TJP1: variants seen among roughly 807,000 people sequenced by gnomAD.
TJP1 encodes tight junction protein ZO-1.
A neutral mutation model predicts 194.2 loss-of-function variants in TJP1; 43 were observed. The ratio of observed to expected loss-of-function variants is 0.22; its 90% confidence interval spans 0.17 to 0.29. The LOEUF (loss-of-function observed/expected upper bound fraction) is 0.29, where lower values mean the gene tolerates loss of function less well. Ranked by LOEUF, TJP1 falls within the 10% of genes least tolerant of loss-of-function variation. The pLI is 1.00. For missense variants in TJP1, 1,971 were observed against 2,185.7 expected (o/e 0.90, Z 1.96); for synonymous variants, 801 against 779.0 (o/e 1.03, Z -0.47).
chr15:29,899,546 AGTCAAGGCCTGTCTCACCAGGT>A (rs1473616903), intron 2 of TJP1, among the ~76,000 whole-genome samples: 1 of 152,166 alleles, frequency 6.6e-6, no homozygotes, highest in African/African-American at 2.4e-5. Flanking sequence ...CCTGACAGGG[AGTCAAGGCCTGTCTCACCAGGT>A]GTGTGAGCAC....
rs116153820 is a variant in TJP1, at chr15:29,758,432, G to C, written c.1010+2707C>G. ...TATAACACAAAAATAGTAATTTTAGGGGGGAAAAACCCTCCACTTTTAAGT... is the reference window on the plus strand; with the variant it reads ...TATAACACAAAAATAGTAATTTTAGCGGGGAAAAACCCTCCACTTTTAAGT... On this transcript the variant is annotated intron_variant, in intron 8 of 27. Transcript: ENST00000614355. Among the ~76,000 whole-genome samples the C allele has an allele frequency of 5.0e-3, 762 of 152,126 alleles. 6 individuals are homozygous for C. The highest frequency in any genetic ancestry group is 0.017 in the African/African-American group (707 of 41,512).
intron 1 of TJP1, among the ~76,000 whole-genome samples, chr15:29,808,646 C>T (rs1009364377): frequency 2.0e-5 from 3 of 152,038 alleles, no homozygotes; most frequent in Non-Finnish European, 2.9e-5. Context: ...GAAACTGGTA[C>T]GTATAGGGAA....
chr15:29,943,415 G>T (rs1358977212), intron 2 of TJP1, among the ~76,000 whole-genome samples: 1 of 151,838 alleles, frequency 6.6e-6, no homozygotes, highest in African/African-American at 2.4e-5. Context: ...GGATCATGAG[G>T]TCAGGAGTTT....
intron 26 of TJP1, among the ~76,000 whole-genome samples, chr15:29,704,666 G>A (rs772695948): frequency 6.6e-6 from 1 of 152,190 alleles, no homozygotes; most frequent in Non-Finnish European, 1.5e-5. Flanking sequence ...CACTTCAAGT[G>A]CTAGCTAGCC....
Position 29,716,781 on chromosome 15 carries a change from A to G in TJP1, c.4032T>C (p.Asn1344=), listed in dbSNP as rs148237770. The G allele has an allele frequency of 1.2e-5, 20 of 1,613,794 alleles. No individual in the cohort carries two copies. The African/African-American group carries it at 1.7e-4, about 14-fold the overall frequency. Reference sequence around the variant, plus strand: ...CTTCATCTTCTTCAGGGTCATAATGATTGGACCGAACAATATCTTCAGGTG... The same window carrying G: ...CTTCATCTTCTTCAGGGTCATAATGGTTGGACCGAACAATATCTTCAGGTG... The part of the protein sequence containing the change: ...LKPPEDIVRS[N]HYDPEEDEEY... The change falls in exon 23 of 28, where the codon AAT becomes AAC. Residue 1344 remains asparagine, a synonymous_variant. Transcript: ENST00000614355.
At chr15:29,899,614 C>A (rs1018545234) in intron 2 of TJP1, among the ~76,000 whole-genome samples, 1 of 152,204 alleles carries the variant, frequency 6.6e-6, no homozygotes. Context: ...CCAACCTCAT[C>A]TTCAGTAAAA....
chr15:29,778,101 T>TA (rs146653671), intron 2 of TJP1, among the ~76,000 whole-genome samples: 2 of 152,068 alleles, frequency 1.3e-5, no homozygotes, highest in Non-Finnish European at 2.9e-5. Context: ...AGCATACATT[T>TA]AAAAAAATTA....
At chr15:29,863,772 A>G (rs1259109790) in intron 2 of TJP1, among the ~76,000 whole-genome samples, 1 of 152,140 alleles carries the variant, frequency 6.6e-6, no homozygotes, top group African/African-American at 2.4e-5. Flanking sequence ...CTGGACTTCA[A>G]TGTGCCTAAC....
intron 1 of TJP1, among the ~76,000 whole-genome samples, chr15:29,808,687 A>G (rs1730729249): frequency 6.6e-6 from 1 of 152,236 alleles, no homozygotes; most frequent in African/African-American, 2.4e-5. Flanking sequence ...TCTTTCCTAT[A>G]CAAACAGTAC....
chr15:29,853,998 G>T (rs2051747546), intron 2 of TJP1, among the ~76,000 whole-genome samples: 1 of 152,128 alleles, frequency 6.6e-6, no homozygotes, highest in Non-Finnish European at 1.5e-5. Context: ...CATGAATTCT[G>T]CATGAGAAAA....
intron 2 of TJP1, among the ~76,000 whole-genome samples, chr15:29,862,211 T>A (rs2052106178): frequency 6.6e-6 from 1 of 152,046 alleles, no homozygotes; most frequent in Non-Finnish European, 1.5e-5. Context: ...AGAAAATACA[T>A]CTGAAAGAAG....
At chr15:29,872,543 T>C (rs1473131343) in intron 2 of TJP1, among the ~76,000 whole-genome samples, 2 of 152,172 alleles carry the variant, frequency 1.3e-5, no homozygotes, top group African/African-American at 4.8e-5. Context: ...AGACTTGAGA[T>C]CTTCAGAATT....
chr15:29,773,480 ACACT>A (rs1254063855), intron 2 of TJP1, 123 bp from the exon 3 acceptor site: 1 of 884,728 alleles, frequency 1.1e-6, no homozygotes, highest in Non-Finnish European at 1.7e-6. Flanking sequence ...TGATCCATAA[ACACT>A]CACCTGCATG....
At chr15:29,955,209 G>A (rs1385231830) in intron 2 of TJP1, among the ~76,000 whole-genome samples, 2 of 152,076 alleles carry the variant, frequency 1.3e-5, no homozygotes, top group East Asian at 1.9e-4. Flanking sequence ...AACAATGGCC[G>A]ATGGTACCTT....
intron 2 of TJP1, among the ~76,000 whole-genome samples, chr15:29,788,973 A>C (rs1023475951): frequency 5.3e-5 from 8 of 152,204 alleles, no homozygotes; most frequent in Non-Finnish European, 1.5e-5. Context: ...CACTTCAAAA[A>C]TGGCTAGTGT....
chr15:29,724,035 TCC>T (rs1456608720), intron 18 of TJP1, among the ~76,000 whole-genome samples: 1 of 152,198 alleles, frequency 6.6e-6, no homozygotes, highest in Non-Finnish European at 1.5e-5. Context: ...ACTCTTGTCC[TCC>T]AGAAAGATGC....
rs766804169 is a variant in TJP1 at position 29,718,848 on chromosome 15, C to T, written c.3294G>A (p.Gln1098=). ...CAAAAGGTGGCCGAGATGGGTAGGG[C>T]TGTTTGTCATCATAATATGACCACT... ...EEQWSYYDDK[Q]PYPSRPPFDN... is the part of the protein sequence containing the mutation. The change falls in exon 21 of 28, where the codon CAG becomes CAA. Residue 1098 remains glutamine, a synonymous_variant. Transcript: ENST00000614355. 19 of 1,614,018 alleles carry T rather than the reference C, an allele frequency of 1.2e-5. No individual in the cohort carries two copies. Among genetic ancestry groups the T allele is most frequent in the Non-Finnish European group, 1.3e-5 (15 of 1,180,034 alleles).
chr15:29,798,707 A>G (rs1382657569), intron 2 of TJP1, among the ~76,000 whole-genome samples: 3 of 152,238 alleles, frequency 2.0e-5, no homozygotes, highest in South Asian at 2.1e-4. Context: ...TTATGTTCAT[A>G]CAAAAACCTG....
intron 1 of TJP1, among the ~76,000 whole-genome samples, chr15:29,814,100 A>G (rs1169392446): frequency 6.6e-6 from 1 of 152,206 alleles, no homozygotes; most frequent in Non-Finnish European, 1.5e-5. Context: ...CACTTACATC[A>G]ATGTATCCAG....
Sources: allele counts gnomAD v4.1 joint callset (sites outside exome capture counted in the v4.1 genomes callset), GRCh38; gene constraint gnomAD v4.1.1; transcripts MANE v1.5; gene names NCBI Gene and HGNC (gene_info 2026-07-23, HGNC 2026-07-21).